Variants in FGF18 observed in about 807,000 individuals in gnomAD.
The protein encoded by FGF18 is fibroblast growth factor 18.
FGF18 carries 5 observed loss-of-function variants against 23.0 expected under a neutral mutation model. The observed-to-expected ratio is 0.22, with a 90% CI of 0.11 to 0.46. The LOEUF (loss-of-function observed/expected upper bound fraction) is 0.46. FGF18 is among the 20% of genes least tolerant of loss of function. FGF18 has a pLI of 0.99. For missense variants in FGF18, 180 were observed against 291.6 expected (o/e 0.62, Z 2.79); for synonymous variants, 117 against 118.9 (o/e 0.98, Z 0.10).
In FGF18 at chr5:171,436,792, A is replaced by G. The variant is rs1208417686; in HGVS notation, c.250+519A>G. On this transcript the variant is annotated intron_variant, in intron 3 of 4. Coordinates refer to ENST00000274625, the MANE Select transcript of FGF18 (RefSeq NM_003862.3). This position sits in a 1 kb window ranked among gnomAD's most constrained non-coding sequence, Gnocchi z 4.4. ...CCATGGTCCTGTTGACCTGCCCTTG[A>G]CCCTGGAACTGCCCAACCCTCCTGG... Among the ~76,000 whole-genome samples the G allele has an allele frequency of 1.3e-5, 2 of 152,024 alleles. No individual in the cohort carries two copies. The highest frequency in any genetic ancestry group is 4.8e-5 in the African/African-American group (2 of 41,400).
intron 2 of FGF18, among the ~76,000 whole-genome samples, chr5:171,423,262 C>T (rs1772043980): frequency 6.6e-6 from 1 of 152,334 alleles, no homozygotes; most frequent in East Asian, 1.9e-4. Flanking sequence ...TCCCTTCATC[C>T]CTTCTCCACA....
intron 3 of FGF18, among the ~76,000 whole-genome samples, chr5:171,445,060 T>G (rs1398474072): frequency 6.6e-6 from 1 of 152,042 alleles, no homozygotes; most frequent in East Asian, 1.9e-4. Context: ...GACATCATGG[T>G]CTGGGAAGGC....
At chr5:171,426,136 C>T (rs751749913) in intron 2 of FGF18, among the ~76,000 whole-genome samples, 1 of 152,166 alleles carries the variant, frequency 6.6e-6, no homozygotes, top group African/African-American at 2.4e-5. Context: ...CCAAAGAAAT[C>T]ATCCCTACTG....
intron 2 of FGF18, among the ~76,000 whole-genome samples, chr5:171,422,076 C>A (rs1772018507): frequency 6.6e-6 from 1 of 152,052 alleles, no homozygotes; most frequent in Non-Finnish European, 1.5e-5. Context: ...CAAGGAGTAG[C>A]AGGGAGGCCT....
chr5:171,453,081 C>G (rs1772538541), intron 4 of FGF18, among the ~76,000 whole-genome samples: 1 of 152,160 alleles, frequency 6.6e-6, no homozygotes, highest in Non-Finnish European at 1.5e-5. Flanking sequence ...TTCACTTACT[C>G]TCTACATACT....
chr5:171,437,729 C>T (rs1419959999), intron 3 of FGF18, among the ~76,000 whole-genome samples: 4 of 152,172 alleles, frequency 2.6e-5, no homozygotes, highest in African/African-American at 4.8e-5. Context: ...GGTTTTCCCT[C>T]GGATCTGCTG....
At chr5:171,443,630 G>A (rs1473852466) in intron 3 of FGF18, among the ~76,000 whole-genome samples, 3 of 148,742 alleles carry the variant, frequency 2.0e-5, no homozygotes, top group South Asian at 2.1e-4. Flanking sequence ...GATTACAGGC[G>A]TGAGCCACCG....
chr5:171,450,979 G>A (rs899745997), intron 4 of FGF18, among the ~76,000 whole-genome samples: 17 of 152,038 alleles, frequency 1.1e-4, no homozygotes, highest in Non-Finnish European at 2.2e-4. Context: ...CGCCGTCTGC[G>A]TGCTGTTCCC....
intron 2 of FGF18, among the ~76,000 whole-genome samples, chr5:171,426,425 T>C (rs777533891): frequency 1.3e-5 from 2 of 152,194 alleles, no homozygotes; most frequent in Non-Finnish European, 2.9e-5. Context: ...TGGCAGTGCA[T>C]GGAGGGGAGG....
At chr5:171,420,467 C>A in intron 2 of FGF18, 24 bp downstream of exon 2, 1 of 1,610,812 alleles carries the variant, frequency 6.2e-7, no homozygotes, top group Non-Finnish European at 8.5e-7. Context: ...TGACTTTGAC[C>A]TCCTCCCGCC....
intron 3 of FGF18, among the ~76,000 whole-genome samples, chr5:171,448,448 C>T (rs1772449542): frequency 6.6e-6 from 1 of 152,182 alleles, no homozygotes; most frequent in East Asian, 1.9e-4. Flanking sequence ...CAGATGTTTG[C>T]CCTGCAGGAA....
rs1772224583 is a variant in FGF18, at chr5:171,434,858, C to T, written c.70-1235C>T. 6.8e-6 allele frequency among the ~76,000 whole-genome samples: 1 copy of T among 146,698 alleles called. No individual in the cohort carries two copies. Among genetic ancestry groups the T allele is most frequent in the African/African-American group, 2.5e-5 (1 of 39,290 alleles). The stretch of plus-strand genomic sequence containing the variant: ...CTGCCAGTCTACTGGGGCCAAAAGA[C>T]AAAACCCAGATAAGTGCTGGAAAGA... On this transcript the variant is annotated intron_variant, in intron 2 of 4. Coordinates refer to ENST00000274625, the MANE Select transcript of FGF18 (RefSeq NM_003862.3). This position sits in a 1 kb window ranked among gnomAD's most constrained non-coding sequence, Gnocchi z 4.6.
intron 4 of FGF18, among the ~76,000 whole-genome samples, chr5:171,450,705 C>G (rs1033138421): frequency 6.6e-6 from 1 of 152,140 alleles, no homozygotes; most frequent in African/African-American, 2.4e-5. Context: ...GGCTGGCCGG[C>G]CGGCGAGGGG....
At chr5:171,420,542 C>T in intron 2 of FGF18, 99 bp downstream of exon 2, 1 of 1,225,764 alleles carries the variant, frequency 8.2e-7, no homozygotes, top group South Asian at 1.2e-5. Flanking sequence ...CCCCACCCCT[C>T]CTGGGCGCTG....
At chr5:171,432,672 C>T (rs1469767325) in intron 2 of FGF18, among the ~76,000 whole-genome samples, 5 of 152,158 alleles carry the variant, frequency 3.3e-5, no homozygotes, top group African/African-American at 1.2e-4. Flanking sequence ...TCAAGCGATC[C>T]GCCCACCTCG....
At chr5:171,449,844 G>T (rs183111413) in intron 4 of FGF18, among the ~76,000 whole-genome samples, 5 of 151,622 alleles carry the variant, frequency 3.3e-5, no homozygotes, top group Admixed American at 2.6e-4. Flanking sequence ...GGTGCAGGTT[G>T]GGGGGACCCT....
At chr5:171,438,191 T>C (rs1772282016) in intron 3 of FGF18, among the ~76,000 whole-genome samples, 2 of 150,490 alleles carry the variant, frequency 1.3e-5, no homozygotes, top group African/African-American at 4.9e-5. Context: ...AACCTCTGCC[T>C]CCTGGGTTCA....
At chr5:171,437,760 G>A (rs1375136171) in intron 3 of FGF18, among the ~76,000 whole-genome samples, 2 of 152,200 alleles carry the variant, frequency 1.3e-5, no homozygotes, top group African/African-American at 4.8e-5. Flanking sequence ...GCCAGAAGGG[G>A]CAGCTGGCTG....
At chr5:171,453,434 C>T (rs182023041) in intron 4 of FGF18, among the ~76,000 whole-genome samples, 2 of 152,290 alleles carry the variant, frequency 1.3e-5, no homozygotes, top group South Asian at 2.1e-4. Flanking sequence ...TCCAAAACCT[C>T]GCTTTGTGCC....
Sources: gnomAD v4.1 joint callset for allele counts (sites outside exome capture counted in the v4.1 genomes callset) on GRCh38, gnomAD v4.1.1 for gene constraint, Gnocchi (gnomAD v3.1) non-coding constraint, MANE v1.5 for transcripts, NCBI Gene and HGNC (gene_info 2026-07-23, HGNC 2026-07-21) for gene names.